The following SORCS3 variants were observed in gnomAD, a reference collection of about 807,000 sequenced individuals.
SORCS3 encodes VPS10 domain-containing receptor SorCS3.
Under a neutral mutation model 146.3 loss-of-function variants are expected in SORCS3, and 57 were observed. The ratio of observed to expected loss-of-function variants is 0.39; its 90% CI spans 0.31 to 0.49. The LOEUF (loss-of-function observed/expected upper bound fraction) is 0.49. SORCS3 is among the 20% of genes least tolerant of loss of function. The pLI, the probability that SORCS3 is intolerant of heterozygous loss-of-function variation, is 0.92. For missense variants in SORCS3, 1,341 were observed against 1,575.5 expected (o/e 0.85, Z 2.52); for synonymous variants, 653 against 618.5 (o/e 1.06, Z -0.83).
chr10:104,841,002 C>A (rs2018133366), intron 1 of SORCS3, among the ~76,000 whole-genome samples: 1 of 152,054 alleles, frequency 6.6e-6, no homozygotes, highest in Non-Finnish European at 1.5e-5. Flanking sequence ...TTAAGAAGGA[C>A]TTGGTACATG....
chr10:104,854,329 G>A (rs1022567940), intron 2 of SORCS3, among the ~76,000 whole-genome samples: 1 of 152,166 alleles, frequency 6.6e-6, no homozygotes, highest in Non-Finnish European at 1.5e-5. Context: ...CTTCATAGGA[G>A]AGGTGGTGGG....
At chr10:104,937,627 G>A (rs918814869) in intron 3 of SORCS3, among the ~76,000 whole-genome samples, 14 of 152,186 alleles carry the variant, frequency 9.2e-5, no homozygotes, top group African/African-American at 2.2e-4. Flanking sequence ...TTTTCCTTCA[G>A]TCTAGAGCAA....
intron 2 of SORCS3, among the ~76,000 whole-genome samples, chr10:104,845,952 T>C (rs950013533): frequency 6.6e-6 from 1 of 152,022 alleles, no homozygotes. Context: ...GTGTGGAGAT[T>C]GACCAGGTTC....
At chr10:105,042,563 G>T (rs774771841) in intron 4 of SORCS3, among the ~76,000 whole-genome samples, 1 of 151,988 alleles carries the variant, frequency 6.6e-6, no homozygotes, top group Admixed American at 6.6e-5. Context: ...GGAATAATAA[G>T]AAGAGTGGCC....
intron 1 of SORCS3, among the ~76,000 whole-genome samples, chr10:104,723,824 C>T (rs2016584159): frequency 6.6e-6 from 1 of 152,048 alleles, no homozygotes; most frequent in South Asian, 2.1e-4. Context: ...TTTCCATTTG[C>T]TTGGTAGATC....
intron 1 of SORCS3, among the ~76,000 whole-genome samples, chr10:104,690,230 A>G (rs757780230): frequency 3.3e-5 from 5 of 152,120 alleles, no homozygotes; most frequent in Non-Finnish European, 7.4e-5. Context: ...GGGTTGAAGC[A>G]CTTCTCTGGA....
intron 16 of SORCS3, among the ~76,000 whole-genome samples, chr10:105,207,272 TTTATTATTATTA>T (rs6144063): frequency 1.4e-5 from 2 of 147,176 alleles, no homozygotes; most frequent in South Asian, 2.2e-4. Context: ...CATGCAGAGG[TTTATTATTATTA>T]TTATTATTAT....
At chr10:104,965,085 T>C (rs1466257200) in intron 3 of SORCS3, among the ~76,000 whole-genome samples, 1 of 152,232 alleles carries the variant, frequency 6.6e-6, no homozygotes, top group Non-Finnish European at 1.5e-5. Context: ...TTGTAGTGTA[T>C]ACCACATTTT....
chr10:105,225,271 T>C (rs1356664577), intron 20 of SORCS3, among the ~76,000 whole-genome samples: 3 of 152,126 alleles, frequency 2.0e-5, no homozygotes, highest in Admixed American at 6.5e-5. Flanking sequence ...GCATAAGGTT[T>C]ATACCTAGAT....
intron 1 of SORCS3, among the ~76,000 whole-genome samples, chr10:104,812,086 C>A (rs1320208548): frequency 2.0e-5 from 3 of 151,970 alleles, no homozygotes; most frequent in African/African-American, 7.3e-5. Context: ...GTAGTAGCAC[C>A]CTGAAAGGAT....
chr10:105,216,586 G>A (rs973193690), intron 18 of SORCS3, among the ~76,000 whole-genome samples: 2 of 152,118 alleles, frequency 1.3e-5, no homozygotes, highest in African/African-American at 4.8e-5. Flanking sequence ...TACTATGATT[G>A]CAATTATTAT....
chr10:105,018,362 A>G (rs2055180189), intron 4 of SORCS3, among the ~76,000 whole-genome samples: 1 of 152,148 alleles, frequency 6.6e-6, no homozygotes, highest in Admixed American at 6.5e-5. Flanking sequence ...TGCCCACCCT[A>G]AACTAATGGC....
chr10:104,992,335 G>C (rs2054999397), intron 4 of SORCS3, among the ~76,000 whole-genome samples: 1 of 152,218 alleles, frequency 6.6e-6, no homozygotes, highest in African/African-American at 2.4e-5. Flanking sequence ...CGAGGGATCA[G>C]AGTCTAAAAG....
intron 2 of SORCS3, among the ~76,000 whole-genome samples, chr10:104,892,671 G>A (rs1260862533): frequency 2.6e-5 from 4 of 152,060 alleles, no homozygotes; most frequent in African/African-American, 9.7e-5. Flanking sequence ...TGCAGTAGCC[G>A]AGATCGTGCC....
chr10:104,851,886 C>T (rs1235107882), intron 2 of SORCS3, among the ~76,000 whole-genome samples: 1 of 152,162 alleles, frequency 6.6e-6, no homozygotes, highest in Non-Finnish European at 1.5e-5. Flanking sequence ...CCTTGTAAGA[C>T]CACTGCCCTA....
At chr10:104,723,686 A>G (rs1277630503) in intron 1 of SORCS3, among the ~76,000 whole-genome samples, 14 of 152,234 alleles carry the variant, frequency 9.2e-5, no homozygotes, top group Admixed American at 6.5e-5. Context: ...ATATATATTT[A>G]GGATAGTTAG....
At chr10:105,222,234 T>C (rs1589695399) in intron 19 of SORCS3, among the ~76,000 whole-genome samples, 1 of 152,024 alleles carries the variant, frequency 6.6e-6, no homozygotes, top group East Asian at 1.9e-4. Flanking sequence ...AATTTTTGTA[T>C]TTTTAGTGAA....
chr10:104,968,864 T>A (rs2054842143), intron 3 of SORCS3, among the ~76,000 whole-genome samples: 1 of 152,210 alleles, frequency 6.6e-6, no homozygotes, highest in South Asian at 2.1e-4. Flanking sequence ...GGGCACAATG[T>A]TTTTTAAAAA....
intron 3 of SORCS3, among the ~76,000 whole-genome samples, chr10:104,924,815 T>C (rs1339420936): frequency 1.3e-5 from 2 of 152,206 alleles, no homozygotes; most frequent in African/African-American, 4.8e-5. Flanking sequence ...TTAGATATAT[T>C]GTATGGGAGG....
Sources: allele counts gnomAD v4.1 joint callset (sites outside exome capture counted in the v4.1 genomes callset), GRCh38; gene constraint gnomAD v4.1.1; transcripts MANE v1.5; gene names NCBI Gene and HGNC (gene_info 2026-07-23, HGNC 2026-07-21).